The following RARB variants were observed in gnomAD, a reference collection of about 807,000 sequenced individuals.
The protein encoded by RARB is HBV-activated protein.
A neutral mutation model predicts 51.9 loss-of-function variants in RARB; 17 were observed. That is an observed-to-expected ratio of 0.33 (90% CI 0.22 to 0.49). The LOEUF is 0.49. Ranked by LOEUF, RARB falls within the 20% of genes least tolerant of loss-of-function variation. The probability of loss-of-function intolerance (pLI) is 0.99; values close to 1 mark genes in which losing one functional copy is unlikely to be tolerated. For missense variants in RARB, 369 were observed against 550.8 expected (o/e 0.67, Z 3.30); for synonymous variants, 215 against 195.4 (o/e 1.10, Z -0.84).
In RARB at chr3:25,428,474, G is replaced by C; in HGVS notation, c.-258G>C. ...AAGCATTTACTTGGAAGGAGAACTT[G>C]GGATCTTTCTGGGAACCCCCCGCCC... On this transcript the variant is annotated 5_prime_UTR_variant, in exon 1 of 8. Coordinates refer to ENST00000330688, the MANE Select transcript of RARB (RefSeq NM_000965.5). The C allele has an allele frequency of 7.9e-7, 1 of 1,270,116 alleles. No homozygotes were observed. The highest frequency in any genetic ancestry group is 9.9e-7 in the Non-Finnish European group (1 of 1,009,542). 78.7% of individuals were successfully genotyped at this position (1,270,116 alleles called of 1,614,324 possible).
At chr3:25,333,297 C>T (rs1704960638) in intron 5 of RARB, among the ~76,000 whole-genome samples, 1 of 152,136 alleles carries the variant, frequency 6.6e-6, no homozygotes, top group Non-Finnish European at 1.5e-5. Context: ...CTACAGTAAC[C>T]AAAACAGCAT....
At chr3:24,996,704 T>TG (rs1697047606) in intron 2 of RARB, among the ~76,000 whole-genome samples, 1 of 152,154 alleles carries the variant, frequency 6.6e-6, no homozygotes, top group African/African-American at 2.4e-5. Context: ...AATTTCTTCC[T>TG]TTATCCTTTG....
At chr3:25,300,304 A>T (rs1196654162) in intron 5 of RARB, among the ~76,000 whole-genome samples, 1 of 152,210 alleles carries the variant, frequency 6.6e-6, no homozygotes, top group Non-Finnish European at 1.5e-5. Flanking sequence ...AATGTGGCAC[A>T]CTGTCTAGAT....
intron 5 of RARB, among the ~76,000 whole-genome samples, chr3:25,338,715 C>T (rs529001643): frequency 1.3e-5 from 2 of 152,176 alleles, no homozygotes; most frequent in African/African-American, 4.8e-5. Flanking sequence ...TGTTCATTCA[C>T]TTATCTATTT....
At chr3:24,845,113 A>G (rs1024146078) in intron 1 of RARB, among the ~76,000 whole-genome samples, 2 of 152,220 alleles carry the variant, frequency 1.3e-5, no homozygotes, top group African/African-American at 4.8e-5. Context: ...CCCCTAATCT[A>G]TTAAGGATAT....
intron 3 of RARB, among the ~76,000 whole-genome samples, chr3:25,123,774 ATCTTT>A (rs1559474738): frequency 6.6e-6 from 1 of 152,164 alleles, no homozygotes; most frequent in East Asian, 1.9e-4. Flanking sequence ...TTGAAAATCT[ATCTTT>A]TCAACCACGT....
At chr3:25,338,531 C>G (rs1361235455) in intron 5 of RARB, among the ~76,000 whole-genome samples, 1 of 152,174 alleles carries the variant, frequency 6.6e-6, no homozygotes, top group Non-Finnish European at 1.5e-5. Flanking sequence ...TTTACACTCT[C>G]TAGTTACTTT....
intron 3 of RARB, among the ~76,000 whole-genome samples, chr3:25,113,468 G>T (rs1270944362): frequency 1.3e-5 from 2 of 152,162 alleles, no homozygotes; most frequent in African/African-American, 4.8e-5. Flanking sequence ...CTTAGGAAAT[G>T]AAGTTGTCTT....
chr3:25,541,737 T>C (rs1194781507), intron 3 of RARB, among the ~76,000 whole-genome samples: 46 of 152,318 alleles, frequency 3.0e-4, no homozygotes, highest in Admixed American at 2.9e-3. Context: ...ACTGTGAATA[T>C]GTGCATGATG....
At chr3:25,381,475 T>C (rs753107265) in intron 5 of RARB, among the ~76,000 whole-genome samples, 1 of 152,220 alleles carries the variant, frequency 6.6e-6, no homozygotes, top group African/African-American at 2.4e-5. Flanking sequence ...ATATAACCTT[T>C]ATACAATTTT....
chr3:24,872,648 A>T (rs1191974490), intron 2 of RARB, among the ~76,000 whole-genome samples: 4 of 152,044 alleles, frequency 2.6e-5, no homozygotes, highest in Non-Finnish European at 5.9e-5. Flanking sequence ...TCTCACGTGA[A>T]TAGATGGAGT....
chr3:24,966,508 AGT>A (rs1696275949), intron 2 of RARB, among the ~76,000 whole-genome samples: 1 of 151,748 alleles, frequency 6.6e-6, no homozygotes, highest in African/African-American at 2.4e-5. Context: ...TCCACACCTC[AGT>A]GTGTGTTTTT....
chr3:25,560,132 C>T (rs1332476871), intron 3 of RARB, among the ~76,000 whole-genome samples: 1 of 152,180 alleles, frequency 6.6e-6, no homozygotes, highest in African/African-American at 2.4e-5. Flanking sequence ...AGAACAAAAG[C>T]TATACTGAAC....
chr3:25,312,304 A>G (rs1405138032), intron 5 of RARB, among the ~76,000 whole-genome samples: 1 of 152,308 alleles, frequency 6.6e-6, no homozygotes, highest in Non-Finnish European at 1.5e-5. Context: ...ATTCATATTC[A>G]CTGTTTGATT....
intron 1 of RARB, among the ~76,000 whole-genome samples, chr3:25,447,035 C>G (rs142774912): frequency 1.3e-5 from 2 of 151,566 alleles, no homozygotes; most frequent in African/African-American, 4.9e-5. Flanking sequence ...AAAAACTGAT[C>G]GTGTTAATAA....
At chr3:24,832,378 T>C (rs1702293688) in intron 1 of RARB, among the ~76,000 whole-genome samples, 1 of 151,994 alleles carries the variant, frequency 6.6e-6, no homozygotes, top group Non-Finnish European at 1.5e-5. Flanking sequence ...AAGGACTTTG[T>C]ATATATTTCA....
At chr3:25,440,278 C>A (rs1222204027) in intron 1 of RARB, among the ~76,000 whole-genome samples, 1 of 151,786 alleles carries the variant, frequency 6.6e-6, no homozygotes, top group Non-Finnish European at 1.5e-5. Flanking sequence ...ACGGCAGAAC[C>A]CTGTCTCTAC....
At position 25,445,727 on chromosome 3, in the gene RARB, A is replaced by G. The variant is rs539699331; in HGVS notation, c.158-15466A>G. Among the ~76,000 whole-genome samples, 3 of 152,286 alleles carry G rather than the reference A, an allele frequency of 2.0e-5. No individual in the cohort carries two copies. In the South Asian group the frequency reaches 6.2e-4, roughly 32 times the overall value. Reference sequence around the variant, plus strand: ...TAATTGCCTCTCAAAGTCCACAGTGAGAGTTATTATTTATAAATTGTCAGG... The same window carrying G: ...TAATTGCCTCTCAAAGTCCACAGTGGGAGTTATTATTTATAAATTGTCAGG... On this transcript the variant is annotated intron_variant, in intron 1 of 7. Coordinates refer to ENST00000330688, the MANE Select transcript of RARB (RefSeq NM_000965.5).
At chr3:25,167,860 G>T (rs1700584303) in intron 4 of RARB, among the ~76,000 whole-genome samples, 1 of 152,070 alleles carries the variant, frequency 6.6e-6, no homozygotes, top group Non-Finnish European at 1.5e-5. Flanking sequence ...CTTTCATAAG[G>T]TTTTTTTCTT....
Sources: gnomAD v4.1 joint callset for allele counts (sites outside exome capture counted in the v4.1 genomes callset) on GRCh38, gnomAD v4.1.1 for gene constraint, MANE v1.5 for transcripts, NCBI Gene and HGNC (gene_info 2026-07-23, HGNC 2026-07-21) for gene names.